ABCA9: variants seen among roughly 807,000 people sequenced by gnomAD.
ABCA9 encodes the protein ATP binding cassette subfamily A member 9, also known as ATP-binding cassette sub-family A member 9.
Under a neutral mutation model 205.3 loss-of-function variants are expected in ABCA9, and 183 were observed. The ratio of observed to expected loss-of-function variants is 0.89; its 90% CI spans 0.79 to 1.01. ABCA9 has a LOEUF of 1.01. ABCA9 is among the 50% of genes least tolerant of loss of function. ABCA9 has a pLI of 0.00. For missense variants in ABCA9, 1,805 were observed against 1,912.4 expected (o/e 0.94, Z 1.05); for synonymous variants, 651 against 683.3 (o/e 0.95, Z 0.74).
intron 37 of ABCA9, among the ~76,000 whole-genome samples, chr17:68,978,704 C>T (rs113642411): frequency 1.3e-5 from 2 of 152,076 alleles, no homozygotes; most frequent in Non-Finnish European, 2.9e-5. Flanking sequence ...CTGTAAAGGA[C>T]TTTATTTCTC....
At chr17:69,045,358 A>G in intron 3 of ABCA9, 22 bp from the exon 4 acceptor site, 1 of 1,595,442 alleles carries the variant, frequency 6.3e-7, no homozygotes, top group Non-Finnish European at 8.5e-7. Context: ...AGAAAACAAA[A>G]GAAATAGTTA....
intron 25 of ABCA9, among the ~76,000 whole-genome samples, chr17:69,007,478 G>A (rs938381715): frequency 6.6e-6 from 1 of 152,170 alleles, no homozygotes; most frequent in Admixed American, 6.5e-5. Context: ...GATCACTAAG[G>A]TCTTCTTTAA....
intron 3 of ABCA9, among the ~76,000 whole-genome samples, chr17:69,048,869 C>T (rs2071807544): frequency 6.6e-6 from 1 of 152,128 alleles, no homozygotes; most frequent in Non-Finnish European, 1.5e-5. Context: ...GTCCCACCCA[C>T]ATATATACTT....
intron 23 of ABCA9, among the ~76,000 whole-genome samples, chr17:69,010,578 G>A (rs1390544017): frequency 6.6e-6 from 1 of 152,146 alleles, no homozygotes; most frequent in African/African-American, 2.4e-5. Flanking sequence ...AACTGCCGGG[G>A]TTGTTAAATA....
At chr17:68,978,755 C>T (rs1567908178) in intron 37 of ABCA9, among the ~76,000 whole-genome samples, 1 of 152,218 alleles carries the variant, frequency 6.6e-6, no homozygotes, top group South Asian at 2.1e-4. Flanking sequence ...ATGAAATTCT[C>T]TCAATAAATT....
At chr17:69,048,424 C>T (rs1161909980) in intron 3 of ABCA9, among the ~76,000 whole-genome samples, 1 of 129,666 alleles carries the variant, frequency 7.7e-6, no homozygotes, top group Non-Finnish European at 1.6e-5. Context: ...AAAGCATGGA[C>T]TTACGCCACA....
upstream of ABCA9, among the ~76,000 whole-genome samples, chr17:69,062,788 C>T (rs1420521965): frequency 6.6e-6 from 1 of 152,178 alleles, no homozygotes; most frequent in Non-Finnish European, 1.5e-5. Context: ...GCTGGGATTA[C>T]AGGCAGAAGC....
In ABCA9 at chr17:69,023,236, A is replaced by T. The variant is rs142731965; in HGVS notation, c.2281+978T>A. The T allele has an allele frequency of 6.6e-6, 1 of 152,318 alleles. No individual in the cohort carries two copies. Among genetic ancestry groups the T allele is most frequent in the African/African-American group, 2.4e-5 (1 of 41,572 alleles). 9.4% of individuals were successfully genotyped at this position (152,318 alleles called of 1,614,324 possible). On this transcript the variant is annotated intron_variant, in intron 17 of 38. Transcript: ENST00000340001. This position sits in a 1 kb window ranked among gnomAD's most constrained non-coding sequence, Gnocchi z 4.2. ...GTTGAGGGCTTCTTACACCTGATGA[A>T]ATACCATAGGTTCTGCATGTCAGGT...
upstream of ABCA9, among the ~76,000 whole-genome samples, chr17:69,064,443 A>C (rs1195013445): frequency 6.6e-6 from 1 of 152,200 alleles, no homozygotes; most frequent in Non-Finnish European, 1.5e-5. Flanking sequence ...ACCCGTTAGC[A>C]TATTTGAACT....
intron 3 of ABCA9, 70 bp downstream of exon 3, chr17:69,049,213 A>T: frequency 7.2e-7 from 1 of 1,389,624 alleles, no homozygotes; most frequent in Non-Finnish European, 9.9e-7. Flanking sequence ...ATAATTTATG[A>T]AGGAAATCTC....
the ABCA9 span, chr17:69,078,953 A>T: frequency 1.3e-6 from 2 of 1,528,542 alleles, no homozygotes; most frequent in Admixed American, 3.8e-5. Flanking sequence ...GATCAACAAA[A>T]AATTACTAGG....
chr17:69,029,018 G>T, intron 11 of ABCA9, 151 bp downstream of exon 11: 1 of 452,530 alleles, frequency 2.2e-6, no homozygotes. Context: ...TTGTTTTATG[G>T]GTTTTTTTTT....
intron 25 of ABCA9, among the ~76,000 whole-genome samples, chr17:68,996,227 TTCTCAA>T (rs1356774573): frequency 6.6e-6 from 1 of 152,238 alleles, no homozygotes; most frequent in Non-Finnish European, 1.5e-5. Context: ...ACAGTGATGC[TTCTCAA>T]TCTCAATGGC....
chr17:69,049,270 C>T lies in ABCA9; in HGVS notation c.304+13G>A. ...CAAATAAGGAAATTACTATGAACAA[C>T]CAGGGAACATACCTTTTAGGAATGG... On this transcript the variant is annotated intron_variant, in intron 3 of 38. Coordinates refer to ENST00000340001, the MANE Select transcript of ABCA9 (RefSeq NM_080283.4). The T allele has an allele frequency of 6.3e-7, 1 of 1,588,554 alleles. No individual in the cohort carries two copies.
intron 10 of ABCA9, 116 bp from the exon 11 acceptor site, chr17:69,029,343 A>C: frequency 3.4e-6 from 2 of 596,868 alleles, no homozygotes; most frequent in Non-Finnish European, 5.6e-6. Context: ...CTTTTCTTGT[A>C]AAGCCTCAAA....
chr17:69,045,140 C>CA (rs752078050), intron 4 of ABCA9, 32 bp downstream of exon 4: 6 of 1,600,240 alleles, frequency 3.7e-6, no homozygotes, highest in Admixed American at 1.7e-5. Flanking sequence ...GATACAATAG[C>CA]AAAAAAAATT....
Position 68,989,748 on chromosome 17 carries a change from T to C in ABCA9, c.3955+65A>G, listed in dbSNP as rs2069382725. 4.1e-6 allele frequency: 4 copies of C among 982,546 alleles called. No homozygotes were observed. The East Asian group carries it at 7.1e-5, about 18-fold the overall frequency. The allele number at this position is 982,546 out of a possible 1,614,324, so 60.9% of individuals were successfully genotyped here. A position where few individuals can be genotyped will look rare whatever the true frequency, so the allele number is the denominator to read the frequency against. On this transcript the variant is annotated intron_variant, in intron 30 of 38. Coordinates refer to ENST00000340001, the MANE Select transcript of ABCA9 (RefSeq NM_080283.4). ...AGATGTCCCCAGATTCAGATACTCTTATTCCCTGAATAATCCAGTCTTCAG... is the reference window on the plus strand; with the variant it reads ...AGATGTCCCCAGATTCAGATACTCTCATTCCCTGAATAATCCAGTCTTCAG...
At chr17:69,029,465 G>A (rs191507940) in intron 10 of ABCA9, among the ~76,000 whole-genome samples, 109 of 152,238 alleles carry the variant, frequency 7.2e-4, no homozygotes, top group African/African-American at 2.6e-3. Context: ...AAATATGGAG[G>A]GCACAGCTTA....
chr17:69,049,530 T>C, intron 2 of ABCA9, 40 bp from the exon 3 acceptor site: 2 of 1,475,660 alleles, frequency 1.4e-6, no homozygotes, highest in South Asian at 1.2e-5. Context: ...AACTGGTAGA[T>C]GTTATACCAC....
Sources: allele counts gnomAD v4.1 joint callset (sites outside exome capture counted in the v4.1 genomes callset), GRCh38; gene constraint gnomAD v4.1.1; non-coding constraint Gnocchi (gnomAD v3.1); transcripts MANE v1.5; gene names NCBI Gene and HGNC (gene_info 2026-07-23, HGNC 2026-07-21).